The following RGS7BP variants were observed in gnomAD, a reference collection of about 807,000 sequenced individuals.
RGS7BP encodes the protein regulator of G protein signaling 7 binding protein, also known as regulator of G protein signaling 7-binding protein.
Under a neutral mutation model 31.3 loss-of-function variants are expected in RGS7BP, and 9 were observed. That is an observed-to-expected ratio of 0.29 (90% CI 0.17 to 0.50). The LOEUF (loss-of-function observed/expected upper bound fraction) is 0.50. RGS7BP is among the 20% of genes least tolerant of loss of function. The pLI is 0.98. For synonymous variants in RGS7BP, 115 were observed against 120.1 expected, an observed-to-expected ratio of 0.96 and a Z score of 0.28; for missense variants, 274 against 322.0, an observed-to-expected ratio of 0.85 and a Z score of 1.14.
chr5:64,598,254 G>C (rs1743127256), intron 4 of RGS7BP, 111 bp from the exon 5 acceptor site: 6 of 684,004 alleles, frequency 8.8e-6, no homozygotes, highest in Non-Finnish European at 1.6e-5. Flanking sequence ...ACTAGAGCTA[G>C]TGCAATTAGA....
intron 2 of RGS7BP, among the ~76,000 whole-genome samples, chr5:64,555,399 TA>T: frequency 6.6e-6 from 1 of 152,208 alleles, no homozygotes; most frequent in Admixed American, 6.5e-5. Context: ...AATAGTAGTT[TA>T]TTTTTTACAT....
At chr5:64,602,073 C>T (rs1561350929) in intron 5 of RGS7BP, among the ~76,000 whole-genome samples, 1 of 152,126 alleles carries the variant, frequency 6.6e-6, no homozygotes, top group Non-Finnish European at 1.5e-5. Flanking sequence ...CTACTCCAGA[C>T]TAATGTGGGC....
At chr5:64,527,606 T>TAAAAAAAAAAAAAA (rs59081277) in intron 2 of RGS7BP, among the ~76,000 whole-genome samples, 5 of 86,462 alleles carry the variant, frequency 5.8e-5, no homozygotes, top group East Asian at 3.0e-4. Context: ...CTTATAACAG[T>TAAAAAAAAAAAAAA]AAAAAAAAAA....
chr5:64,551,042 C>T (rs913837494), intron 2 of RGS7BP, among the ~76,000 whole-genome samples: 2 of 151,634 alleles, frequency 1.3e-5, no homozygotes, highest in African/African-American at 4.9e-5. Flanking sequence ...ACAATCATAG[C>T]AGCAATTACC....
rs1743513678 is a variant in RGS7BP at position 64,611,883 on chromosome 5, C to T, written c.*2631C>T. 2 of 151,846 alleles carry T rather than the reference C, an allele frequency of 1.3e-5. No homozygotes were observed. The highest frequency in any genetic ancestry group is 1.3e-4 in the Admixed American group (2 of 15,196). 9.4% of individuals were successfully genotyped at this position (151,846 alleles called of 1,614,324 possible). On this transcript the variant is annotated 3_prime_UTR_variant, in exon 6 of 6. Transcript: ENST00000334025. ...GGATTTTCTCAGGTGTGGTTCCAAG[C>T]GATAAAGTTCTACTGTCTCGGCTTC...
chr5:64,586,898 T>C (rs939086786), intron 3 of RGS7BP, among the ~76,000 whole-genome samples: 1 of 151,770 alleles, frequency 6.6e-6, no homozygotes, highest in African/African-American at 2.4e-5. Context: ...AAACATGTAA[T>C]GAAAGGAATA....
chr5:64,547,849 A>T (rs1741697511), intron 2 of RGS7BP, among the ~76,000 whole-genome samples: 1 of 152,138 alleles, frequency 6.6e-6, no homozygotes, highest in Non-Finnish European at 1.5e-5. Flanking sequence ...TGAATGCTAC[A>T]TTTGAAGTTA....
chr5:64,534,815 G>A (rs1008338173), intron 2 of RGS7BP, among the ~76,000 whole-genome samples: 1 of 152,232 alleles, frequency 6.6e-6, no homozygotes, highest in Admixed American at 6.5e-5. Flanking sequence ...TGGCATAGAG[G>A]TGGTATTTAA....
chr5:64,528,146 G>A (rs1476527486), intron 2 of RGS7BP, among the ~76,000 whole-genome samples: 5 of 152,180 alleles, frequency 3.3e-5, no homozygotes, highest in African/African-American at 4.8e-5. Flanking sequence ...TTTGAAGACC[G>A]AAGATCTAGG....
rs182821051 is a variant in RGS7BP, at chr5:64,553,387, G to A, written c.333-22387G>A. Among the ~76,000 whole-genome samples the A allele has an allele frequency of 3.9e-5, 6 of 152,086 alleles. No homozygotes were observed. The South Asian group carries it at 1.0e-3, about 26-fold the overall frequency. ...GGGTTTCACCACATTGGCCAGGCTG[G>A]TCTTGAATGCCTGACCTCAGGTGAT... is the stretch of plus-strand genomic sequence containing the variant. On this transcript the variant is annotated intron_variant, in intron 2 of 5. Transcript: ENST00000334025.
At chr5:64,556,838 G>C (rs1350190054) in intron 2 of RGS7BP, among the ~76,000 whole-genome samples, 2 of 151,814 alleles carry the variant, frequency 1.3e-5, no homozygotes, top group East Asian at 3.9e-4. Flanking sequence ...CTGTGTGTGT[G>C]TGCCTCTGTG....
rs148552381 is a variant in RGS7BP, at chr5:64,578,184, C to T, written c.463+2280C>T. 2.2e-3 allele frequency among the ~76,000 whole-genome samples: 329 copies of T among 152,312 alleles called. 1 individual carries two copies. The highest frequency in any genetic ancestry group is 7.7e-3 in the African/African-American group (322 of 41,574). ...TGAGCAGCTCATTTGGTCTTCACTG[C>T]CTCCTGTCTTCACTGTCAGTTTCTG... On this transcript the variant is annotated intron_variant, in intron 3 of 5. Coordinates refer to ENST00000334025, the MANE Select transcript of RGS7BP (RefSeq NM_001029875.3).
chr5:64,549,948 G>C (rs1233009663), intron 2 of RGS7BP, among the ~76,000 whole-genome samples: 1 of 152,160 alleles, frequency 6.6e-6, no homozygotes, highest in African/African-American at 2.4e-5. Context: ...GTCATCGCTT[G>C]GTAGTTCTAC....
intron 2 of RGS7BP, among the ~76,000 whole-genome samples, chr5:64,533,430 C>T (rs1275011842): frequency 6.6e-6 from 1 of 152,170 alleles, no homozygotes; most frequent in East Asian, 1.9e-4. Context: ...TCCCAGAACA[C>T]GAGTTCTTAA....
At chr5:64,584,275 G>A (rs1453234208) in intron 3 of RGS7BP, among the ~76,000 whole-genome samples, 1 of 152,154 alleles carries the variant, frequency 6.6e-6, no homozygotes, top group Non-Finnish European at 1.5e-5. Context: ...ACACTAAGTT[G>A]GGAGAGGTAT....
chr5:64,550,322 C>A (rs150684039), intron 2 of RGS7BP, among the ~76,000 whole-genome samples: 1 of 152,316 alleles, frequency 6.6e-6, no homozygotes, highest in Non-Finnish European at 1.5e-5. Flanking sequence ...TCCTGGCTTG[C>A]AGATGGCCAC....
intron 3 of RGS7BP, among the ~76,000 whole-genome samples, chr5:64,593,416 T>C (rs1037599405): frequency 3.9e-5 from 6 of 152,180 alleles, no homozygotes; most frequent in South Asian, 4.1e-4. Context: ...TTCTTGTTAA[T>C]GCAAAACAAT....
intron 2 of RGS7BP, among the ~76,000 whole-genome samples, chr5:64,551,992 C>A (rs570606305): frequency 6.6e-6 from 1 of 152,086 alleles, no homozygotes; most frequent in Non-Finnish European, 1.5e-5. Context: ...ATGTTTGATA[C>A]CTTATAAACT....
intron 2 of RGS7BP, among the ~76,000 whole-genome samples, chr5:64,518,409 G>A (rs927503432): frequency 1.3e-5 from 2 of 151,708 alleles, no homozygotes; most frequent in African/African-American, 2.4e-5. Flanking sequence ...ACAAAAGAGA[G>A]TATTTCAGAT....
Sources: gnomAD v4.1 joint callset for allele counts (sites outside exome capture counted in the v4.1 genomes callset) on GRCh38, gnomAD v4.1.1 for gene constraint, MANE v1.5 for transcripts, NCBI Gene and HGNC (gene_info 2026-07-23, HGNC 2026-07-21) for gene names.